The following BFSP2 variants were observed in gnomAD, a reference collection of about 807,000 sequenced individuals.
BFSP2 encodes beaded filament structural protein 2.
A neutral mutation model predicts 44.9 loss-of-function variants in BFSP2; 38 were observed. That is an observed-to-expected ratio of 0.85 (90% CI 0.65 to 1.11). The LOEUF (loss-of-function observed/expected upper bound fraction) is 1.11, where lower values mean the gene tolerates loss of function less well. Among genes scored for constraint, BFSP2 ranks in the 50% least tolerant of loss-of-function variants. The pLI is 0.00. For missense variants in BFSP2, 525 were observed against 533.0 expected (o/e 0.99, Z 0.15); for synonymous variants, 197 against 209.9 (o/e 0.94, Z 0.53).
At chr3:133,416,324 C>CT (rs2073528518) in intron 1 of BFSP2, among the ~76,000 whole-genome samples, 1 of 143,370 alleles carries the variant, frequency 7.0e-6, no homozygotes, top group Admixed American at 6.9e-5. Context: ...TCTACTCACC[C>CT]GTCCTCTCCC....
intron 1 of BFSP2, among the ~76,000 whole-genome samples, chr3:133,408,201 T>C (rs920737723): frequency 2.0e-5 from 3 of 152,190 alleles, no homozygotes. Flanking sequence ...TCTTTTATTT[T>C]TAAATGTTAG....
chr3:133,404,554 A>G (rs1303242008), intron 1 of BFSP2, among the ~76,000 whole-genome samples: 6 of 152,212 alleles, frequency 3.9e-5, no homozygotes, highest in Non-Finnish European at 8.8e-5. Flanking sequence ...GGGTATGCAC[A>G]TGCCCAGAAT....
intron 1 of BFSP2, among the ~76,000 whole-genome samples, chr3:133,434,415 C>T (rs533118861): frequency 5.3e-5 from 8 of 152,204 alleles, no homozygotes; most frequent in Admixed American, 6.5e-5. Flanking sequence ...TAATCCCGCT[C>T]GAAGCAGCCC....
chr3:133,450,492 T>C, intron 4 of BFSP2, 28 bp downstream of exon 4: 2 of 1,613,436 alleles, frequency 1.2e-6, no homozygotes, highest in Non-Finnish European at 1.7e-6. Context: ...CATCCTCCAC[T>C]CTGCCCTATG....
chr3:133,471,653 A>G (rs1430574936), intron 5 of BFSP2, among the ~76,000 whole-genome samples: 1 of 152,164 alleles, frequency 6.6e-6, no homozygotes, highest in Non-Finnish European at 1.5e-5. Context: ...TGTTCAAATC[A>G]TGAGTATGAT....
chr3:133,450,152 G>A (rs2073948371), intron 3 of BFSP2, 151 bp from the exon 4 acceptor site: 2 of 854,562 alleles, frequency 2.3e-6, no homozygotes, highest in African/African-American at 1.7e-5. Context: ...TGGGAAGAAG[G>A]TCAGGGACTT....
chr3:133,403,052 T>C (rs569873685), intron 1 of BFSP2, among the ~76,000 whole-genome samples: 1 of 152,298 alleles, frequency 6.6e-6, no homozygotes, highest in East Asian at 1.9e-4. Context: ...TCCTGATTTT[T>C]TCAGTGAATC....
chr3:133,437,986 G>A (rs774829435), intron 1 of BFSP2, among the ~76,000 whole-genome samples: 27 of 152,156 alleles, frequency 1.8e-4, no homozygotes, highest in Non-Finnish European at 2.6e-4. Flanking sequence ...TTTGTCTTCC[G>A]TTTTGACCTT....
chr3:133,437,608 AAAAAAGAAAGAAGAAAGAG>A (rs1006221935), intron 1 of BFSP2, among the ~76,000 whole-genome samples: 2 of 151,678 alleles, frequency 1.3e-5, no homozygotes, highest in Non-Finnish European at 2.9e-5. Context: ...GAGAAGAAAG[AAAAAAGAAAGAAGAAAGAG>A]AAAAAGAAAG....
At chr3:133,429,969 T>C (rs932650899) in intron 1 of BFSP2, among the ~76,000 whole-genome samples, 2 of 150,640 alleles carry the variant, frequency 1.3e-5, no homozygotes, top group Non-Finnish European at 2.9e-5. Context: ...TGTGTTCTCA[T>C]TGTTCAATTC....
At chr3:133,431,858 C>T (rs1216920002) in intron 1 of BFSP2, among the ~76,000 whole-genome samples, 1 of 152,068 alleles carries the variant, frequency 6.6e-6, no homozygotes, top group East Asian at 1.9e-4. Flanking sequence ...TTTAGTTATC[C>T]CCACCTGCCC....
rs1349496646 is a variant in BFSP2 at position 133,408,182 on chromosome 3, C to CGATA, written c.489+7612_489+7615dup. Among the ~76,000 whole-genome samples the CGATA allele has an allele frequency of 2.6e-3, 401 of 152,020 alleles. 3 individuals are homozygous for CGATA. Among genetic ancestry groups the CGATA allele is most frequent in the African/African-American group, 8.9e-3 (368 of 41,438 alleles). ...TTTAAAATTTGAGGTTAAAAAAAGC[C>CGATA]GATAGCACTCTTTTATTTTTAAATG... On this transcript the variant is annotated intron_variant, in intron 1 of 6. Transcript: ENST00000302334.
chr3:133,411,180 GAAAAAA>G (rs10599643), intron 1 of BFSP2, among the ~76,000 whole-genome samples: 63 of 129,512 alleles, frequency 4.9e-4, no homozygotes, highest in African/African-American at 1.5e-3. Context: ...GTATAACACC[GAAAAAA>G]AAAAAAAAAA....
intron 1 of BFSP2, among the ~76,000 whole-genome samples, chr3:133,423,571 C>T (rs1407750728): frequency 2.7e-5 from 3 of 113,162 alleles, no homozygotes; most frequent in Admixed American, 9.7e-5. Context: ...GCGGCGGGGG[C>T]GGGGGTAGGA....
intron 3 of BFSP2, 84 bp downstream of exon 3, chr3:133,448,729 T>G: frequency 6.5e-7 from 1 of 1,527,696 alleles, no homozygotes; most frequent in African/African-American, 1.4e-5. Context: ...AAGGCCACAG[T>G]AGCTCATTTC....
chr3:133,471,941 A>T (rs2074165640), intron 5 of BFSP2, among the ~76,000 whole-genome samples: 1 of 152,056 alleles, frequency 6.6e-6, no homozygotes, highest in Admixed American at 6.5e-5. Flanking sequence ...GAGTGAAGAA[A>T]TCAGAAGAAA....
intron 1 of BFSP2, among the ~76,000 whole-genome samples, chr3:133,418,463 G>A (rs535634140): frequency 7.2e-5 from 11 of 152,160 alleles, no homozygotes; most frequent in South Asian, 2.1e-4. Flanking sequence ...AGTTCACTGG[G>A]TGTGGGTACC....
At position 133,472,541 on chromosome 3, in the gene BFSP2, C is replaced by A. The variant is rs79087781; in HGVS notation, c.1220C>A (p.Ala407Asp). The change falls in exon 6 of 7, where the codon GCC becomes GAC. Residue 407 changes from alanine (A) to aspartate (D), a missense_variant. Coordinates refer to ENST00000302334, the MANE Select transcript of BFSP2 (RefSeq NM_003571.4). ...CAGAAGGACGTGGCGTCCTACCACG[C>A]CCTGCTGGACAGGGAGGAGAGCGGG... ...QLQKDVASYH[A>D]LLDREESG 0.044 allele frequency: 70,192 copies of A among 1,612,172 alleles called. 1,686 individuals are homozygous for A. Among genetic ancestry groups the A allele is most frequent in the Middle Eastern group, 0.071 (336 of 4,708 alleles).
chr3:133,448,874 G>A (rs1171029762), intron 3 of BFSP2: 7 of 563,688 alleles, frequency 1.2e-5, no homozygotes, highest in Non-Finnish European at 2.2e-5. Context: ...ACAGAAACAG[G>A]GGAAGGCAGC....
Sources: allele counts gnomAD v4.1 joint callset (sites outside exome capture counted in the v4.1 genomes callset), GRCh38; gene constraint gnomAD v4.1.1; transcripts MANE v1.5; gene names NCBI Gene and HGNC (gene_info 2026-07-23, HGNC 2026-07-21).